The following STK17A variants were observed in gnomAD, a reference collection of about 807,000 sequenced individuals.
STK17A encodes serine/threonine-protein kinase 17A.
In STK17A, 26 loss-of-function variants were observed where a neutral mutation model predicts 43.7. The observed-to-expected ratio is 0.60, with a 90% CI of 0.44 to 0.83. The LOEUF is 0.83. Ranked by LOEUF, STK17A falls within the 40% of genes least tolerant of loss-of-function variation. The pLI, the probability that STK17A is intolerant of heterozygous loss-of-function variation, is 0.00. For synonymous variants in STK17A, 191 were observed against 182.5 expected, an observed-to-expected ratio of 1.05 and a Z score of -0.38; for missense variants, 476 against 511.6, an observed-to-expected ratio of 0.93 and a Z score of 0.67.
chr7:43,610,668 A>G (rs2082782707), intron 3 of STK17A, among the ~76,000 whole-genome samples: 1 of 152,200 alleles, frequency 6.6e-6, no homozygotes, highest in African/African-American at 2.4e-5. Context: ...CTTCGTCTCA[A>G]AAAAAGAACT....
intron 2 of STK17A, among the ~76,000 whole-genome samples, chr7:43,597,384 G>A (rs888422961): frequency 2.0e-5 from 3 of 151,412 alleles, no homozygotes; most frequent in African/African-American, 7.3e-5. Context: ...TCAGCACTTT[G>A]TTGTTATTAT....
intron 1 of STK17A, among the ~76,000 whole-genome samples, chr7:43,593,677 G>GA (rs2082494400): frequency 6.8e-6 from 1 of 147,790 alleles, no homozygotes; most frequent in African/African-American, 2.5e-5. Context: ...CTGCTCTTTT[G>GA]AAAAAATGTC....
chr7:43,600,992 T>C (rs1243050919), intron 2 of STK17A, among the ~76,000 whole-genome samples: 1 of 152,208 alleles, frequency 6.6e-6, no homozygotes, highest in African/African-American at 2.4e-5. Flanking sequence ...GTAGAAATAA[T>C]CTAAATGTTT....
Position 43,624,510 on chromosome 7 carries a change from C to CT in STK17A, c.921-5dup. 6.2e-7 allele frequency: 1 copy of CT among 1,605,438 alleles called. No homozygotes were observed. The highest frequency in any genetic ancestry group is 8.5e-7 in the Non-Finnish European group (1 of 1,175,888). ...CATGTCTTAACTGTAAAACATGTAT[C>CT]TTTACAGAGATCGAGCCACTGCTGA... On this transcript the variant is annotated splice_polypyrimidine_tract_variant and splice_region_variant and intron_variant, in intron 6 of 6. Transcript: ENST00000319357.
chr7:43,618,510 G>A (rs1173920422), intron 3 of STK17A, among the ~76,000 whole-genome samples: 2 of 152,154 alleles, frequency 1.3e-5, no homozygotes, highest in Non-Finnish European at 2.9e-5. Context: ...CTGGGTGTTA[G>A]AGTGAAGTAT....
rs577681930 is a variant in STK17A, at chr7:43,598,148, C to T, written c.419+2035C>T. On this transcript the variant is annotated intron_variant, in intron 2 of 6. Transcript: ENST00000319357. Reference sequence around the variant, plus strand: ...TATACCGACAGTCACACAAATGTAACGGTTATGAGCAGATAAACCATATTT... The same window carrying T: ...TATACCGACAGTCACACAAATGTAATGGTTATGAGCAGATAAACCATATTT... Among the ~76,000 whole-genome samples the T allele has an allele frequency of 3.9e-5, 6 of 152,054 alleles. No homozygotes were observed. In the South Asian group the frequency reaches 8.3e-4, roughly 21 times the overall value.
intron 2 of STK17A, among the ~76,000 whole-genome samples, chr7:43,602,168 G>T (rs2082560371): frequency 6.6e-6 from 1 of 151,866 alleles, no homozygotes; most frequent in Non-Finnish European, 1.5e-5. Context: ...TCTTTTCTAG[G>T]ACCTGTGTTT....
intron 3 of STK17A, among the ~76,000 whole-genome samples, chr7:43,609,792 A>AC (rs1182964849): frequency 6.6e-6 from 1 of 152,160 alleles, no homozygotes; most frequent in Non-Finnish European, 1.5e-5. Flanking sequence ...CCTCTGGACC[A>AC]CCCCCAAAAA....
At chr7:43,590,680 A>G (rs2082473862) in intron 1 of STK17A, among the ~76,000 whole-genome samples, 1 of 151,578 alleles carries the variant, frequency 6.6e-6, no homozygotes, top group African/African-American at 2.4e-5. Flanking sequence ...CAACAAAAAA[A>G]GTAGATGTGC....
chr7:43,626,791 T>C lies in STK17A; in HGVS notation c.*1949T>C, dbSNP rs2153031244. The C allele has an allele frequency of 6.6e-6, 1 of 152,344 alleles. No individual in the cohort carries two copies. 9.4% of individuals were successfully genotyped at this position (152,344 alleles called of 1,614,324 possible). A position where few individuals can be genotyped will look rare whatever the true frequency, so the allele number is the denominator to read the frequency against. ...TAATAAATATATTTAATATAATTGC[T>C]GTATTTGTGAGAAAGATCTGTTTTC... is the stretch of plus-strand genomic sequence containing the variant. On this transcript the variant is annotated 3_prime_UTR_variant, in exon 7 of 7. Transcript: ENST00000319357.
chr7:43,605,184 T>C (rs1010268864), intron 2 of STK17A, among the ~76,000 whole-genome samples: 24 of 152,352 alleles, frequency 1.6e-4, no homozygotes, highest in African/African-American at 5.3e-4. Flanking sequence ...TCCTATTGGT[T>C]GTGAATTGTA....
intron 3 of STK17A, among the ~76,000 whole-genome samples, chr7:43,611,810 A>G (rs1435902192): frequency 6.6e-6 from 1 of 152,218 alleles, no homozygotes; most frequent in Non-Finnish European, 1.5e-5. Context: ...TACTAGTCTT[A>G]TGATGGACTT....
chr7:43,623,461 C>G (rs1583810590), intron 4 of STK17A, 111 bp from the exon 5 acceptor site: 1 of 823,684 alleles, frequency 1.2e-6, no homozygotes, highest in Non-Finnish European at 2.0e-6. Context: ...CATTTTAGCC[C>G]AAACGTTGGA....
intron 2 of STK17A, among the ~76,000 whole-genome samples, chr7:43,600,278 AAC>A (rs950276393): frequency 2.4e-4 from 36 of 152,326 alleles, no homozygotes; most frequent in African/African-American, 7.7e-4. Context: ...TACAACTGAA[AAC>A]ACAGTGGAAA....
intron 2 of STK17A, among the ~76,000 whole-genome samples, chr7:43,606,299 A>C (rs1302840072): frequency 1.3e-5 from 2 of 152,150 alleles, no homozygotes; most frequent in Non-Finnish European, 2.9e-5. Flanking sequence ...ACAGAAATGG[A>C]AATGCTACTT....
chr7:43,616,500 A>G (rs2083357809), intron 3 of STK17A, among the ~76,000 whole-genome samples: 1 of 152,192 alleles, frequency 6.6e-6, no homozygotes, highest in Admixed American at 6.5e-5. Context: ...GAAGCTGTAG[A>G]TTCTTCCCGT....
At chr7:43,622,348 A>T (rs2083984818) in intron 4 of STK17A, 1 of 151,928 alleles carries the variant, frequency 6.6e-6, no homozygotes, top group Non-Finnish European at 1.5e-5. Flanking sequence ...TCTTCCTCCC[A>T]CTCATTTATT....
At chr7:43,598,771 T>G (rs68128100) in intron 2 of STK17A, among the ~76,000 whole-genome samples, 22,045 of 150,348 alleles carry the variant, frequency 0.15, 2,154 homozygotes, top group Non-Finnish European at 0.22. Flanking sequence ...GGTTTTTGGT[T>G]TTTTTTTTTT....
chr7:43,600,043 C>A (rs144132665), intron 2 of STK17A, among the ~76,000 whole-genome samples: 1 of 152,148 alleles, frequency 6.6e-6, no homozygotes, highest in Non-Finnish European at 1.5e-5. Context: ...CTAGTCCACT[C>A]GGACTCCCAC....
Sources: gnomAD v4.1 joint callset for allele counts (sites outside exome capture counted in the v4.1 genomes callset) on GRCh38, gnomAD v4.1.1 for gene constraint, MANE v1.5 for transcripts, NCBI Gene and HGNC (gene_info 2026-07-23, HGNC 2026-07-21) for gene names.